The following PSMA8 variants were observed in gnomAD, a reference collection of about 807,000 sequenced individuals.
PSMA8 encodes the protein proteasome subunit alpha-type 8.
PSMA8 carries 18 observed loss-of-function variants against 32.4 expected under a neutral mutation model. The observed-to-expected ratio is 0.56, with a 90% confidence interval of 0.38 to 0.82. The LOEUF (loss-of-function observed/expected upper bound fraction) is 0.82. PSMA8 is among the 40% of genes least tolerant of loss of function. The pLI is 0.00. For missense variants in PSMA8, 298 were observed against 300.7 expected, an observed-to-expected ratio of 0.99 and a Z score of 0.07; for synonymous variants, 104 against 98.1, an observed-to-expected ratio of 1.06 and a Z score of -0.36.
intron 6 of PSMA8, among the ~76,000 whole-genome samples, chr18:26,179,604 C>G (rs964510605): frequency 3.3e-5 from 5 of 152,016 alleles, no homozygotes; most frequent in Non-Finnish European, 7.4e-5. Flanking sequence ...AACTGCTGGA[C>G]TACAAAATAA....
chr18:26,139,631 C>T (rs1465335862), intron 1 of PSMA8, among the ~76,000 whole-genome samples: 1 of 152,150 alleles, frequency 6.6e-6, no homozygotes, highest in Non-Finnish European at 1.5e-5. Flanking sequence ...CTCTTGAGTA[C>T]CCTTCTGTGT....
chr18:26,136,311 C>T (rs1037307240), intron 1 of PSMA8, among the ~76,000 whole-genome samples: 27 of 152,174 alleles, frequency 1.8e-4, no homozygotes, highest in South Asian at 4.2e-4. Flanking sequence ...CCCATGAAAA[C>T]GATAAGATTT....
intron 3 of PSMA8, 138 bp downstream of exon 3, chr18:26,152,120 A>G (rs2055051302): frequency 1.9e-6 from 1 of 518,500 alleles, no homozygotes. Flanking sequence ...CACTTACTTT[A>G]TATTCATATT....
chr18:26,187,213 G>T (rs767612967), intron 6 of PSMA8, among the ~76,000 whole-genome samples: 2 of 152,176 alleles, frequency 1.3e-5, no homozygotes, highest in Admixed American at 6.5e-5. Context: ...GGGTGTGATG[G>T]TGTGCGCCTG....
At chr18:26,175,232 G>T (rs1337170760) in intron 4 of PSMA8, among the ~76,000 whole-genome samples, 2 of 152,162 alleles carry the variant, frequency 1.3e-5, no homozygotes, top group African/African-American at 4.8e-5. Context: ...AAGCTGCTTT[G>T]CACTTGTTAG....
intron 1 of PSMA8, chr18:26,140,184 C>T (rs2144269966): frequency 2.8e-6 from 2 of 701,926 alleles, no homozygotes; most frequent in African/African-American, 1.7e-5. Context: ...TTGGGGTGGG[C>T]CTGCCACTAG....
Position 26,142,831 on chromosome 18 carries a change from T to G in PSMA8, c.103-1728T>G, listed in dbSNP as rs929567494. On this transcript the variant is annotated intron_variant, in intron 1 of 6. Transcript: ENST00000415576. ...TAAGGGCACGAATCCCAGTCAACCATCATGACCTAATCACCTCTCAAAGGC... is the reference window on the plus strand; with the variant it reads ...TAAGGGCACGAATCCCAGTCAACCAGCATGACCTAATCACCTCTCAAAGGC... 3.9e-5 allele frequency among the ~76,000 whole-genome samples: 6 copies of G among 152,076 alleles called. No individual in the cohort carries two copies. In the East Asian group the frequency reaches 9.6e-4, roughly 24 times the overall value.
At chr18:26,163,219 A>G (rs1394538052) in intron 4 of PSMA8, among the ~76,000 whole-genome samples, 1,069 of 13,514 alleles carry the variant, frequency 0.079, 59 homozygotes, top group East Asian at 0.18. Flanking sequence ...GTGTGTATAT[A>G]TATATATATA....
At chr18:26,178,444 A>G (rs904814801) in intron 4 of PSMA8, among the ~76,000 whole-genome samples, 2 of 151,986 alleles carry the variant, frequency 1.3e-5, no homozygotes, top group East Asian at 3.9e-4. Context: ...ACTACCAAAA[A>G]AATAATCAGC....
At chr18:26,146,624 A>T (rs1169581593) in intron 2 of PSMA8, among the ~76,000 whole-genome samples, 2 of 151,994 alleles carry the variant, frequency 1.3e-5, no homozygotes, top group East Asian at 1.9e-4. Flanking sequence ...TTAGCTGGGG[A>T]TGGTGGCGTG....
intron 1 of PSMA8, among the ~76,000 whole-genome samples, chr18:26,137,229 G>T (rs1355655089): frequency 6.6e-6 from 1 of 152,138 alleles, no homozygotes; most frequent in Non-Finnish European, 1.5e-5. Flanking sequence ...AGGCTGAGGT[G>T]AGTGGATCAC....
At chr18:26,177,215 T>TCA (rs1157406355) in intron 4 of PSMA8, among the ~76,000 whole-genome samples, 1 of 152,142 alleles carries the variant, frequency 6.6e-6, no homozygotes, top group Non-Finnish European at 1.5e-5. Context: ...CTAAAAGACA[T>TCA]TTGACAATGT....
intron 6 of PSMA8, among the ~76,000 whole-genome samples, 160 bp from the exon 7 acceptor site, chr18:26,192,159 T>C (rs1283043874): frequency 1.3e-5 from 2 of 152,236 alleles, no homozygotes; most frequent in Non-Finnish European, 2.9e-5. Flanking sequence ...TTGTTATTGC[T>C]CTTAGACCTC....
intron 1 of PSMA8, among the ~76,000 whole-genome samples, chr18:26,139,886 G>A (rs1394822588): frequency 6.6e-6 from 1 of 152,208 alleles, no homozygotes; most frequent in African/African-American, 2.4e-5. Context: ...GTTTCTGTCT[G>A]TTCGTTGAAC....
At chr18:26,138,416 A>T (rs992772812) in intron 1 of PSMA8, among the ~76,000 whole-genome samples, 4 of 152,210 alleles carry the variant, frequency 2.6e-5, no homozygotes, top group African/African-American at 9.6e-5. Context: ...TTTACTGTAC[A>T]GAGAAAGCCT....
intron 4 of PSMA8, among the ~76,000 whole-genome samples, chr18:26,164,656 A>T (rs143077809): frequency 1.9e-3 from 289 of 152,328 alleles, no homozygotes; most frequent in African/African-American, 6.7e-3. Context: ...AAGGCATGGA[A>T]ACTTTTCTAG....
At chr18:26,179,925 A>C (rs1302773251) in intron 6 of PSMA8, among the ~76,000 whole-genome samples, 1 of 148,660 alleles carries the variant, frequency 6.7e-6, no homozygotes. Context: ...ATCTCTATGA[A>C]AAAAAAAAAT....
At chr18:26,188,936 T>C (rs1485279892) in intron 6 of PSMA8, among the ~76,000 whole-genome samples, 1 of 152,130 alleles carries the variant, frequency 6.6e-6, no homozygotes, top group African/African-American at 2.4e-5. Flanking sequence ...GCGCAAAATA[T>C]TCTTGAGTAG....
At chr18:26,140,668 T>C (rs1050059074) in intron 1 of PSMA8, among the ~76,000 whole-genome samples, 1 of 152,214 alleles carries the variant, frequency 6.6e-6, no homozygotes, top group African/African-American at 2.4e-5. Flanking sequence ...TTGGTACTTT[T>C]ATTTATTTAG....
Sources: allele counts gnomAD v4.1 joint callset (sites outside exome capture counted in the v4.1 genomes callset), GRCh38; gene constraint gnomAD v4.1.1; transcripts MANE v1.5; gene names NCBI Gene and HGNC (gene_info 2026-07-23, HGNC 2026-07-21).